The following RARB variants were observed in gnomAD, a reference collection of about 807,000 sequenced individuals.
The protein encoded by RARB is HBV-activated protein.
RARB carries 17 observed loss-of-function variants against 51.9 expected under a neutral mutation model. The ratio of observed to expected loss-of-function variants is 0.33; its 90% CI spans 0.22 to 0.49. The LOEUF (loss-of-function observed/expected upper bound fraction) is 0.49, where lower values mean the gene tolerates loss of function less well. Among genes scored for constraint, RARB ranks in the 20% least tolerant of loss-of-function variants. The probability of loss-of-function intolerance (pLI) is 0.99; values close to 1 mark genes in which losing one functional copy is unlikely to be tolerated. For synonymous variants in RARB, 215 were observed against 195.4 expected (o/e 1.10, Z -0.84); for missense variants, 369 against 550.8 (o/e 0.67, Z 3.30).
intron 3 of RARB, among the ~76,000 whole-genome samples, chr3:25,116,195 G>C (rs1386957111): frequency 1.3e-5 from 2 of 152,168 alleles, no homozygotes; most frequent in South Asian, 2.1e-4. Context: ...ATGGAATGTA[G>C]CCAAGTCTGT....
chr3:25,273,406 T>G (rs188290351), intron 5 of RARB, among the ~76,000 whole-genome samples: 2 of 152,312 alleles, frequency 1.3e-5, no homozygotes, highest in Admixed American at 1.3e-4. Flanking sequence ...AAAGTTATAT[T>G]TATCATGACA....
At chr3:25,349,215 A>G (rs542130746) in intron 5 of RARB, among the ~76,000 whole-genome samples, 9 of 152,288 alleles carry the variant, frequency 5.9e-5, no homozygotes, top group African/African-American at 1.9e-4. Flanking sequence ...TACCTGGTAA[A>G]TTCATGCCCT....
At chr3:25,572,621 C>A (rs1409106844) in intron 4 of RARB, among the ~76,000 whole-genome samples, 2 of 152,090 alleles carry the variant, frequency 1.3e-5, no homozygotes, top group Admixed American at 1.3e-4. Flanking sequence ...GGGCCATTGG[C>A]GGCATCTAGC....
intron 3 of RARB, among the ~76,000 whole-genome samples, chr3:25,080,960 G>A (rs996987991): frequency 1.3e-5 from 2 of 151,848 alleles, no homozygotes; most frequent in African/African-American, 4.8e-5. Context: ...TTTTGTTGAT[G>A]TTTCTGTATT....
At chr3:25,169,938 T>C (rs1700615247) in intron 4 of RARB, among the ~76,000 whole-genome samples, 1 of 148,264 alleles carries the variant, frequency 6.7e-6, no homozygotes, top group African/African-American at 2.5e-5. Context: ...CAGGGAACTG[T>C]GATTGTGCTG....
At chr3:25,190,718 C>G (rs183791727) in intron 5 of RARB, among the ~76,000 whole-genome samples, 2 of 152,128 alleles carry the variant, frequency 1.3e-5, no homozygotes, top group African/African-American at 4.8e-5. Flanking sequence ...GAGAAAGGGT[C>G]TCCTCCCCAC....
At chr3:25,187,697 G>C (rs557407678) in intron 5 of RARB, among the ~76,000 whole-genome samples, 73 of 152,050 alleles carry the variant, frequency 4.8e-4, no homozygotes, top group Non-Finnish European at 4.4e-4. Flanking sequence ...AAAGATTTCT[G>C]ATGGTGTTCA....
chr3:25,504,081 A>G (rs185843435), intron 3 of RARB, among the ~76,000 whole-genome samples: 1 of 152,350 alleles, frequency 6.6e-6, no homozygotes, highest in Non-Finnish European at 1.5e-5. Flanking sequence ...ATGTGTCAGA[A>G]TCCTTTAGAT....
chr3:25,301,398 A>G (rs1401452018), intron 5 of RARB, among the ~76,000 whole-genome samples: 1 of 152,290 alleles, frequency 6.6e-6, no homozygotes, highest in East Asian at 1.9e-4. Flanking sequence ...GTTGGCTTCA[A>G]GCTTTTACAG....
intron 2 of RARB, among the ~76,000 whole-genome samples, chr3:24,928,774 A>T (rs188278926): frequency 2.0e-5 from 3 of 152,130 alleles, no homozygotes; most frequent in African/African-American, 7.2e-5. Flanking sequence ...CAATGATAAG[A>T]TCATTTTTCT....
At chr3:24,997,367 G>A (rs772229389) in intron 2 of RARB, among the ~76,000 whole-genome samples, 5 of 151,368 alleles carry the variant, frequency 3.3e-5, no homozygotes, top group Non-Finnish European at 7.4e-5. Flanking sequence ...TGATGTTGGC[G>A]GCCTCAAGTT....
chr3:25,586,970 G>T (rs1254293681), intron 5 of RARB, among the ~76,000 whole-genome samples: 2 of 152,212 alleles, frequency 1.3e-5, no homozygotes, highest in African/African-American at 4.8e-5. Flanking sequence ...ACCAGGAATT[G>T]CTGTGGGGTA....
intron 1 of RARB, among the ~76,000 whole-genome samples, chr3:24,849,908 A>T (rs1702535417): frequency 6.6e-6 from 1 of 152,230 alleles, no homozygotes; most frequent in Admixed American, 6.5e-5. Context: ...GGACTCAGAA[A>T]GTTTCATTGA....
intron 5 of RARB, among the ~76,000 whole-genome samples, chr3:25,253,373 C>T (rs1471486385): frequency 6.6e-6 from 1 of 152,146 alleles, no homozygotes; most frequent in African/African-American, 2.4e-5. Context: ...ATTCCATCTA[C>T]TTTACTTAAC....
Position 25,216,943 on chromosome 3 carries a change from T to C in RARB, c.178+42368T>C, listed in dbSNP as rs1208138488. 3.3e-5 allele frequency among the ~76,000 whole-genome samples: 5 copies of C among 152,094 alleles called. 1 individual carries two copies. Among genetic ancestry groups the C allele is most frequent in the Admixed American group, 2.6e-4 (4 of 15,280 alleles). Reference sequence around the variant, plus strand: ...GTCCCATCTTTCTCTGGCCTATGTATTTTTTACAAATTGGTAGTTGGATCT... The same window carrying C: ...GTCCCATCTTTCTCTGGCCTATGTACTTTTTACAAATTGGTAGTTGGATCT... On this transcript the variant is annotated intron_variant, in intron 5 of 11. Transcript: ENST00000383772.
chr3:25,043,583 G>C (rs756790088), intron 2 of RARB, among the ~76,000 whole-genome samples: 1 of 152,212 alleles, frequency 6.6e-6, no homozygotes, highest in Non-Finnish European at 1.5e-5. Context: ...TAGAAAGATA[G>C]CTTATTCCTC....
intron 2 of RARB, among the ~76,000 whole-genome samples, chr3:24,988,225 C>T (rs1696835654): frequency 1.3e-5 from 2 of 152,130 alleles, no homozygotes; most frequent in South Asian, 4.1e-4. Context: ...TACGAATATA[C>T]TTGTTGACCA....
chr3:24,847,588 G>C (rs1487334811), intron 1 of RARB, among the ~76,000 whole-genome samples: 1 of 152,176 alleles, frequency 6.6e-6, no homozygotes, highest in Non-Finnish European at 1.5e-5. Context: ...CTTTGGTTGT[G>C]GAATTGGGAT....
intron 3 of RARB, among the ~76,000 whole-genome samples, chr3:25,101,259 G>C (rs1166080110): frequency 2.0e-5 from 3 of 152,118 alleles, no homozygotes; most frequent in African/African-American, 7.2e-5. Flanking sequence ...ACCTGAGCCT[G>C]TGAGAATTCC....
Sources: allele counts gnomAD v4.1 joint callset (sites outside exome capture counted in the v4.1 genomes callset), GRCh38; gene constraint gnomAD v4.1.1; transcripts MANE v1.5; gene names NCBI Gene and HGNC (gene_info 2026-07-23, HGNC 2026-07-21).